ZNF609: variants seen among roughly 807,000 people sequenced by gnomAD.
ZNF609 encodes the protein zinc finger protein 609.
In ZNF609, 11 loss-of-function variants were observed where a neutral mutation model predicts 109.5. That is an observed-to-expected ratio of 0.10 (90% CI 0.06 to 0.17). ZNF609 has a LOEUF of 0.17. Among genes scored for constraint, ZNF609 ranks in the 10% least tolerant of loss-of-function variants. The pLI, the probability that ZNF609 is intolerant of heterozygous loss-of-function variation, is 1.00. For synonymous variants in ZNF609, 646 were observed against 662.0 expected (o/e 0.98, Z 0.37); for missense variants, 1,559 against 1,772.4 (o/e 0.88, Z 2.16).
intron 2 of ZNF609, chr15:64,501,589 G>A (rs1168286878): frequency 6.6e-6 from 1 of 152,214 alleles, no homozygotes; most frequent in Non-Finnish European, 1.5e-5. Flanking sequence ...GGGTACAGAT[G>A]GATAATACTG....
rs755294103 is a variant in ZNF609, at chr15:64,675,653, G to C, written c.2799G>C (p.Glu933Asp). ...ALKTKRDEEP[E>D]SIEGKVKNDI... ...AGACAAAAAGGGATGAGGAACCTGAGAGCATAGAAGGGAAAGTGAAGAACG... is the reference window on the plus strand; with the variant it reads ...AGACAAAAAGGGATGAGGAACCTGACAGCATAGAAGGGAAAGTGAAGAACG... The change falls in exon 5 of 10, where the codon GAG becomes GAC. Residue 933 changes from glutamate (E) to aspartate (D), a missense_variant. Physicochemically the swap from Glu to Asp is conservative, Grantham distance 45 (BLOSUM62 2). Coordinates refer to ENST00000326648, the MANE Select transcript of ZNF609 (RefSeq NM_015042.2). The C allele has an allele frequency of 1.2e-6, 2 of 1,614,024 alleles. No homozygotes were observed. The highest frequency in any genetic ancestry group is 1.7e-6 in the Non-Finnish European group (2 of 1,180,032).
intron 2 of ZNF609, among the ~76,000 whole-genome samples, chr15:64,582,749 C>CTTTTTTT (rs34273764): frequency 3.6e-5 from 2 of 55,866 alleles, no homozygotes; most frequent in Non-Finnish European, 5.6e-5. Context: ...GAGACAGAGT[C>CTTTTTTT]TTTTTTTTTT....
intron 5 of ZNF609, among the ~76,000 whole-genome samples, chr15:64,677,016 G>A (rs1896819293): frequency 6.6e-6 from 1 of 151,816 alleles, no homozygotes; most frequent in Non-Finnish European, 1.5e-5. Context: ...GCCTCCCAAA[G>A]TACCTGGATT....
chr15:64,459,827 A>G (rs766232888), upstream of ZNF609, among the ~76,000 whole-genome samples: 4 of 152,176 alleles, frequency 2.6e-5, no homozygotes, highest in Non-Finnish European at 5.9e-5. Context: ...CTGAATGCCT[A>G]CTGTGCACTA....
intron 2 of ZNF609, among the ~76,000 whole-genome samples, chr15:64,536,520 A>G (rs1020586253): frequency 6.6e-6 from 1 of 152,046 alleles, no homozygotes; most frequent in Non-Finnish European, 1.5e-5. Flanking sequence ...GAATTTTGAG[A>G]GTAAAAACCA....
At chr15:64,634,431 G>A (rs765107516) in intron 3 of ZNF609, among the ~76,000 whole-genome samples, 5 of 152,154 alleles carry the variant, frequency 3.3e-5, no homozygotes. Flanking sequence ...TTTCACTAAA[G>A]GGAAGGGGCT....
rs373284889 is a variant in ZNF609, at chr15:64,670,447, G to C, written c.1061+14G>C. On this transcript the variant is annotated intron_variant, in intron 4 of 9. Coordinates refer to ENST00000326648, the MANE Select transcript of ZNF609 (RefSeq NM_015042.2). ...GGCACCCCCAAGGTAAGCACTTACAGCTATTTAGTTTATATTATTCTGAAC... is the reference window on the plus strand; with the variant it reads ...GGCACCCCCAAGGTAAGCACTTACACCTATTTAGTTTATATTATTCTGAAC... 1 of 1,608,408 alleles carries C rather than the reference G, an allele frequency of 6.2e-7. No individual in the cohort carries two copies. The highest frequency in any genetic ancestry group is 8.5e-7 in the Non-Finnish European group (1 of 1,174,700).
intron 2 of ZNF609, among the ~76,000 whole-genome samples, chr15:64,602,420 T>C (rs114290627): frequency 0.013 from 1,974 of 152,298 alleles, 31 homozygotes; most frequent in African/African-American, 0.046. Context: ...CTAGTAGTAA[T>C]TACCCCAGAG....
chr15:64,565,157 T>G (rs550988014), intron 2 of ZNF609, among the ~76,000 whole-genome samples: 1 of 150,580 alleles, frequency 6.6e-6, no homozygotes, highest in East Asian at 1.9e-4. Context: ...CCTCCTGGGT[T>G]CAAGCAATTC....
intron 1 of ZNF609, among the ~76,000 whole-genome samples, chr15:64,490,497 C>T (rs1893399251): frequency 6.6e-6 from 1 of 152,140 alleles, no homozygotes; most frequent in South Asian, 2.1e-4. Context: ...TGGTCTCGAA[C>T]TCCCGACCTC....
chr15:64,626,058 C>G (rs1248502773), intron 3 of ZNF609, among the ~76,000 whole-genome samples: 8 of 151,162 alleles, frequency 5.3e-5, no homozygotes, highest in Non-Finnish European at 1.0e-4. Context: ...ATAAATACTG[C>G]TTTCACCAGG....
chr15:64,466,598 G>A (rs1374222668), intron 1 of ZNF609, among the ~76,000 whole-genome samples: 2 of 152,234 alleles, frequency 1.3e-5, no homozygotes, highest in Admixed American at 1.3e-4. Flanking sequence ...GACATTTGCA[G>A]TGATCTACCT....
intron 2 of ZNF609, among the ~76,000 whole-genome samples, chr15:64,582,723 C>CTT (rs538806936): frequency 0.014 from 1,263 of 88,788 alleles, 52 homozygotes; most frequent in Middle Eastern, 0.028. Context: ...TTTCTTTTTT[C>CTT]TTTTTTTTTT....
chr15:64,507,830 A>G (rs779536633), intron 2 of ZNF609, among the ~76,000 whole-genome samples: 1 of 152,130 alleles, frequency 6.6e-6, no homozygotes, highest in Non-Finnish European at 1.5e-5. Context: ...CAGTTGTGCC[A>G]TTGGGGTGGG....
chr15:64,472,646 C>T (rs1344660735), intron 1 of ZNF609, among the ~76,000 whole-genome samples: 1 of 152,104 alleles, frequency 6.6e-6, no homozygotes, highest in South Asian at 2.1e-4. Flanking sequence ...TGGAGGATCA[C>T]GTGAGCCCAG....
intron 3 of ZNF609, among the ~76,000 whole-genome samples, chr15:64,656,195 C>T (rs547284427): frequency 6.6e-6 from 1 of 152,188 alleles, no homozygotes; most frequent in East Asian, 1.9e-4. Flanking sequence ...TCCCAAGTAG[C>T]TGGGATTACA....
rs546019586 is a variant in ZNF609 at position 64,571,936 on chromosome 15, G to T, written c.748-50891G>T. Among the ~76,000 whole-genome samples the T allele has an allele frequency of 5.5e-4, 84 of 152,316 alleles. No homozygotes were observed. In the South Asian group the frequency reaches 0.016, roughly 29 times the overall value. On this transcript the variant is annotated intron_variant, in intron 2 of 9. Coordinates refer to ENST00000326648, the MANE Select transcript of ZNF609 (RefSeq NM_015042.2). Reference sequence around the variant, plus strand: ...ATCTCACAAAGTGCTGGTATTACAGGTGTGAGCCCGGCCTTGAGTCTTTGT... The same window carrying T: ...ATCTCACAAAGTGCTGGTATTACAGTTGTGAGCCCGGCCTTGAGTCTTTGT...
chr15:64,554,694 T>C (rs1440473362), intron 2 of ZNF609, among the ~76,000 whole-genome samples: 7 of 152,130 alleles, frequency 4.6e-5, no homozygotes, highest in Non-Finnish European at 1.0e-4. Flanking sequence ...GTGAATTACA[T>C]TGATTAAATT....
chr15:64,471,834 C>T lies in ZNF609; in HGVS notation c.-128+10996C>T, dbSNP rs557911141. Among the ~76,000 whole-genome samples, 7 of 152,202 alleles carry T rather than the reference C, an allele frequency of 4.6e-5. No homozygotes were observed. The South Asian group carries it at 6.2e-4, about 14-fold the overall frequency. On this transcript the variant is annotated intron_variant, in intron 1 of 9. Coordinates refer to ENST00000326648, the MANE Select transcript of ZNF609 (RefSeq NM_015042.2). ...CCAAACTTAGGTGATCCGCCAACCT[C>T]GGCCTCCCAAAGTGCTGGGATTACA... is the stretch of plus-strand genomic sequence containing the variant.
Sources: gnomAD v4.1 joint callset for allele counts (sites outside exome capture counted in the v4.1 genomes callset) on GRCh38, gnomAD v4.1.1 for gene constraint, MANE v1.5 for transcripts, NCBI Gene and HGNC (gene_info 2026-07-23, HGNC 2026-07-21) for gene names.